The following TMEM132C variants were observed in gnomAD, a reference collection of about 807,000 sequenced individuals.
The protein encoded by TMEM132C is transmembrane protein 132C, also known as protein phosphatase 1, regulatory subunit 152.
A neutral mutation model predicts 61.4 loss-of-function variants in TMEM132C; 29 were observed. The observed-to-expected ratio is 0.47, with a 90% CI of 0.35 to 0.64. The LOEUF (loss-of-function observed/expected upper bound fraction) is 0.64. Ranked by LOEUF, TMEM132C falls within the 30% of genes least tolerant of loss-of-function variation. TMEM132C has a pLI of 0.00. For missense variants in TMEM132C, 1,408 were observed against 1,476.9 expected (o/e 0.95, Z 0.76); for synonymous variants, 656 against 633.1 (o/e 1.04, Z -0.54).
rs1242254104 is a variant in TMEM132C at position 128,446,036 on chromosome 12, A to G, written c.974+30416A>G. Among the ~76,000 whole-genome samples, 8 of 152,332 alleles carry G rather than the reference A, an allele frequency of 5.3e-5. No homozygotes were observed. The East Asian group carries it at 1.3e-3, about 26-fold the overall frequency. On this transcript the variant is annotated intron_variant, in intron 2 of 8. Transcript: ENST00000435159. Reference sequence around the variant, plus strand: ...GTCCTTTTCCCCACTCATGCTATGAAAAAAGAAAAGCAACGGGGGATGGTG... The same window carrying G: ...GTCCTTTTCCCCACTCATGCTATGAGAAAAGAAAAGCAACGGGGGATGGTG...
intron 3 of TMEM132C, among the ~76,000 whole-genome samples, chr12:128,593,598 C>A (rs1282562989): frequency 1.3e-5 from 2 of 152,212 alleles, no homozygotes; most frequent in Non-Finnish European, 2.9e-5. Context: ...GCTCTGTGCA[C>A]TGGGGCAGGT....
chr12:128,498,383 A>C lies in TMEM132C; in HGVS notation c.975-45574A>C, dbSNP rs2136106720. On this transcript the variant is annotated intron_variant, in intron 2 of 8. Coordinates refer to ENST00000435159, the MANE Select transcript of TMEM132C (RefSeq NM_001136103.3). The stretch of plus-strand genomic sequence containing the variant: ...TGACGTGATGTTCTATATAAAAAAA[A>C]ACCTTAAGAAGGCTGGGTACAGTGG... Among the ~76,000 whole-genome samples, 2 of 152,260 alleles carry C rather than the reference A, an allele frequency of 1.3e-5. 1 individual carries two copies. The highest frequency in any genetic ancestry group is 4.1e-4 in the South Asian group (2 of 4,828).
intron 2 of TMEM132C, among the ~76,000 whole-genome samples, chr12:128,472,480 T>A (rs1327676986): frequency 1.3e-5 from 2 of 152,210 alleles, no homozygotes; most frequent in Admixed American, 1.3e-4. Context: ...ACTGGGAGCC[T>A]GAGGGGGCTC....
intron 2 of TMEM132C, among the ~76,000 whole-genome samples, chr12:128,429,162 C>T (rs753425704): frequency 2.6e-5 from 4 of 151,908 alleles, no homozygotes; most frequent in Non-Finnish European, 5.9e-5. Flanking sequence ...CTCACTTTCC[C>T]GGAGATATCT....
At chr12:128,429,837 A>T (rs755033409) in intron 2 of TMEM132C, among the ~76,000 whole-genome samples, 1 of 152,130 alleles carries the variant, frequency 6.6e-6, no homozygotes, top group Non-Finnish European at 1.5e-5. Flanking sequence ...ACATCCCAAA[A>T]CAGGGTGCCC....
At chr12:128,452,051 A>T (rs903407789) in intron 2 of TMEM132C, among the ~76,000 whole-genome samples, 2 of 152,148 alleles carry the variant, frequency 1.3e-5, no homozygotes, top group Non-Finnish European at 2.9e-5. Context: ...CAGGCCAAGC[A>T]ATTTTCTTTT....
intron 1 of TMEM132C, among the ~76,000 whole-genome samples, chr12:128,270,319 A>C (rs1205811613): frequency 6.6e-6 from 1 of 152,224 alleles, no homozygotes; most frequent in Admixed American, 6.5e-5. Flanking sequence ...TAGAGGCATG[A>C]AGTCATATGC....
chr12:128,323,725 G>T (rs940541575), intron 1 of TMEM132C, among the ~76,000 whole-genome samples: 2 of 152,318 alleles, frequency 1.3e-5, no homozygotes, highest in East Asian at 3.9e-4. Context: ...TAATTCCCTT[G>T]CAAGACACCG....
chr12:128,527,072 G>A lies in TMEM132C; in HGVS notation c.975-16885G>A, dbSNP rs182063201. ...AAGCTAGGAAGATCCGTTTCAGCCCGTGCATCCTCATGAAGTCTCTCTTGG... is the reference window on the plus strand; with the variant it reads ...AAGCTAGGAAGATCCGTTTCAGCCCATGCATCCTCATGAAGTCTCTCTTGG... On this transcript the variant is annotated intron_variant, in intron 2 of 8. Transcript: ENST00000435159. Among the ~76,000 whole-genome samples the A allele has an allele frequency of 5.2e-3, 793 of 152,298 alleles. 6 individuals carry two copies. The highest frequency in any genetic ancestry group is 0.018 in the African/African-American group (766 of 41,548).
At chr12:128,377,427 G>A (rs1460037400) in intron 1 of TMEM132C, among the ~76,000 whole-genome samples, 2 of 152,268 alleles carry the variant, frequency 1.3e-5, no homozygotes, top group South Asian at 2.1e-4. Flanking sequence ...TGCCTACCAC[G>A]TAGGTTGGGA....
At chr12:128,411,711 A>T (rs1868556313) in intron 1 of TMEM132C, among the ~76,000 whole-genome samples, 1 of 152,166 alleles carries the variant, frequency 6.6e-6, no homozygotes, top group Non-Finnish European at 1.5e-5. Flanking sequence ...TGCTCTTGGG[A>T]TCTCATTGAG....
intron 2 of TMEM132C, among the ~76,000 whole-genome samples, chr12:128,475,142 A>G (rs898024063): frequency 5.9e-5 from 9 of 152,130 alleles, no homozygotes; most frequent in African/African-American, 2.2e-4. Context: ...CCAGAATTCC[A>G]TGCAAGCACC....
At chr12:128,606,447 G>A (rs1232291380) in intron 3 of TMEM132C, among the ~76,000 whole-genome samples, 1 of 152,198 alleles carries the variant, frequency 6.6e-6, no homozygotes, top group Non-Finnish European at 1.5e-5. Flanking sequence ...CCCCCTGCCT[G>A]TATTTCCCTC....
intron 2 of TMEM132C, among the ~76,000 whole-genome samples, chr12:128,535,493 C>T (rs1873489347): frequency 6.6e-6 from 1 of 152,184 alleles, no homozygotes. Context: ...AAAAAATGCT[C>T]ATCATCACTT....
chr12:128,575,724 C>T (rs1299953488), intron 3 of TMEM132C, among the ~76,000 whole-genome samples: 1 of 152,168 alleles, frequency 6.6e-6, no homozygotes, highest in African/African-American at 2.4e-5. Flanking sequence ...GTTTCCATTG[C>T]TATCATTTAT....
chr12:128,432,952 C>G (rs2136040053), intron 2 of TMEM132C, among the ~76,000 whole-genome samples: 1 of 152,046 alleles, frequency 6.6e-6, no homozygotes, highest in African/African-American at 2.4e-5. Flanking sequence ...AACCACCACC[C>G]TGATCAGTCA....
At chr12:128,556,719 A>C (rs1874339367) in intron 3 of TMEM132C, among the ~76,000 whole-genome samples, 1 of 152,092 alleles carries the variant, frequency 6.6e-6, no homozygotes. Flanking sequence ...AGGGAGCCCT[A>C]TTGTCCAAAG....
intron 4 of TMEM132C, among the ~76,000 whole-genome samples, chr12:128,644,605 A>G (rs1254550598): frequency 6.6e-6 from 1 of 152,236 alleles, no homozygotes; most frequent in Non-Finnish European, 1.5e-5. Flanking sequence ...ATTTTGAAGC[A>G]CATATTAATT....
At chr12:128,506,979 C>T (rs1378940215) in intron 2 of TMEM132C, among the ~76,000 whole-genome samples, 1 of 152,104 alleles carries the variant, frequency 6.6e-6, no homozygotes, top group Non-Finnish European at 1.5e-5. Context: ...ACTTTTCCTA[C>T]CACCCCAGGA....
Sources: allele counts gnomAD v4.1 joint callset (sites outside exome capture counted in the v4.1 genomes callset), GRCh38; gene constraint gnomAD v4.1.1; transcripts MANE v1.5; gene names NCBI Gene and HGNC (gene_info 2026-07-23, HGNC 2026-07-21).